The following SGK2 variants were observed in gnomAD, a reference collection of about 807,000 sequenced individuals.
SGK2 encodes serine/threonine-protein kinase Sgk2.
Under a neutral mutation model 47.5 loss-of-function variants are expected in SGK2, and 36 were observed. The ratio of observed to expected loss-of-function variants is 0.76; its 90% CI spans 0.58 to 1.00. SGK2 has a LOEUF of 1.00. SGK2 is among the 50% of genes least tolerant of loss of function. The pLI is 0.00. For missense variants in SGK2, 404 were observed against 467.4 expected (o/e 0.86, Z 1.25); for synonymous variants, 157 against 181.9 (o/e 0.86, Z 1.10).
intron 12 of SGK2, among the ~76,000 whole-genome samples, chr20:43,580,884 T>A (rs1387478852): frequency 6.6e-6 from 1 of 152,082 alleles, no homozygotes; most frequent in African/African-American, 2.4e-5. Flanking sequence ...TTTGTTTTGT[T>A]TTTTTTCTTG....
rs1980036685 is a variant in SGK2, at chr20:43,570,617, CTCT to C, written c.367_369del (p.Phe123del). The C allele has an allele frequency of 1.2e-6, 2 of 1,600,916 alleles. No individual in the cohort carries two copies. The highest frequency in any genetic ancestry group is 1.7e-5 in the Admixed American group (1 of 59,232). On this transcript the variant is annotated inframe_deletion and splice_region_variant, in exon 7 of 13. Transcript: ENST00000373100. ...CTGTCACACTCCTCCTCCCCTCCAG[CTCT>C]TCTTCCACCTGCAGCGGGAGCGCCG...
chr20:43,567,657 T>TC lies in SGK2; in HGVS notation c.87-3dup. 1 of 1,613,846 alleles carries TC rather than the reference T, an allele frequency of 6.2e-7. No homozygotes were observed. The highest frequency in any genetic ancestry group is 1.7e-5 in the Admixed American group (1 of 59,988). On this transcript the variant is annotated splice_region_variant and splice_polypyrimidine_tract_variant and intron_variant, in intron 3 of 12. Coordinates refer to ENST00000373100, the MANE Select transcript of SGK2 (RefSeq NM_170693.3). ...AATGCTGATCCGTGTTTTTCCCTCT[T>TC]CCCCCAGTGCCCAGCCCACGGACTT...
At chr20:43,562,140 G>A (rs562521058) in intron 1 of SGK2, among the ~76,000 whole-genome samples, 11 of 152,176 alleles carry the variant, frequency 7.2e-5, no homozygotes, top group East Asian at 3.9e-4. Context: ...CCAGCCAGGC[G>A]CAGTGGGTCA....
intron 11 of SGK2, among the ~76,000 whole-genome samples, chr20:43,576,881 G>A (rs1980491965): frequency 6.6e-6 from 1 of 152,244 alleles, no homozygotes; most frequent in Non-Finnish European, 1.5e-5. Context: ...GGCGGAGGTT[G>A]CAGTGATCTG....
rs767098729 is a variant in SGK2 at position 43,571,065 on chromosome 20, GT to G, written c.510+6del. ...AACATTCTCTTGGACTGCCAGGTTG[GT>G]GTGTGTGTGTGTGTGTGTGTGTGTG... is the stretch of plus-strand genomic sequence containing the variant. On this transcript the variant is annotated splice_donor_region_variant and intron_variant, in intron 8 of 12. Transcript: ENST00000373100. The G allele has an allele frequency of 2.5e-3, 104 of 40,914 alleles. No individual in the cohort carries two copies. The highest frequency in any genetic ancestry group is 6.4e-3 in the East Asian group (11 of 1,728). The allele number at this position is 40,914 out of a possible 1,614,324, so 2.5% of individuals were successfully genotyped here. A position where few individuals can be genotyped will look rare whatever the true frequency, so the allele number is the denominator to read the frequency against.
At position 43,569,583 on chromosome 20, in the gene SGK2, C is replaced by T. The variant is rs1397417432; in HGVS notation, c.360+67C>T. 3.9e-6 allele frequency: 6 copies of T among 1,548,376 alleles called. No homozygotes were observed. In the East Asian group the frequency reaches 6.8e-5, roughly 17 times the overall value. Reference sequence around the variant, plus strand: ...GCTGGGAGCTGTCCATCCCACATGCCCACTGCATGCCAAGTTCTGGAATGA... The same window carrying T: ...GCTGGGAGCTGTCCATCCCACATGCTCACTGCATGCCAAGTTCTGGAATGA... On this transcript the variant is annotated intron_variant, in intron 6 of 12. Coordinates refer to ENST00000373100, the MANE Select transcript of SGK2 (RefSeq NM_170693.3).
intron 1 of SGK2, 106 bp from the exon 2 acceptor site, chr20:43,566,367 A>G: frequency 1.2e-6 from 2 of 1,613,982 alleles, no homozygotes; most frequent in Non-Finnish European, 1.7e-6. Context: ...TGGCAGGTGC[A>G]CAGGTAGGGG....
rs1979977968 is a variant in SGK2, at chr20:43,569,673, A to AGG, written c.360+157_360+158insGG. On this transcript the variant is annotated intron_variant, in intron 6 of 12. Coordinates refer to ENST00000373100, the MANE Select transcript of SGK2 (RefSeq NM_170693.3). ...GAAACTGAGGTTCAGGGAGGTAATC[A>AGG]TTTGCTCAAGGCCACCCAGCGCATA... 3.5e-6 allele frequency: 3 copies of AGG among 854,668 alleles called. No individual in the cohort carries two copies. In the Admixed American group the frequency reaches 8.0e-5, roughly 23 times the overall value. The allele number at this position is 854,668 out of a possible 1,614,324, so 52.9% of individuals were successfully genotyped here.
At chr20:43,576,950 A>C (rs984126545) in intron 11 of SGK2, among the ~76,000 whole-genome samples, 5 of 152,242 alleles carry the variant, frequency 3.3e-5, no homozygotes, top group Non-Finnish European at 5.9e-5. Flanking sequence ...CTCAAAAACA[A>C]AAACAAAAAA....
At chr20:43,559,184 A>G (rs1979249892) in intron 1 of SGK2, 25 bp downstream of exon 1, 1 of 152,240 alleles carries the variant, frequency 6.6e-6, no homozygotes. Context: ...TGTGAGCAGG[A>G]TACCTGCCTG....
At chr20:43,577,345 T>C (rs1980520359) in intron 11 of SGK2, among the ~76,000 whole-genome samples, 1 of 149,098 alleles carries the variant, frequency 6.7e-6, no homozygotes, top group Non-Finnish European at 1.5e-5. Context: ...GCACTGCATC[T>C]GCTTTTTTTT....
At chr20:43,577,793 G>A (rs577242926) in intron 11 of SGK2, among the ~76,000 whole-genome samples, 11 of 151,890 alleles carry the variant, frequency 7.2e-5, no homozygotes, top group Non-Finnish European at 1.3e-4. Context: ...ACAGGCACCC[G>A]CCACCATGCC....
chr20:43,579,858 A>C (rs1980683224), intron 11 of SGK2, 114 bp from the exon 12 acceptor site: 1 of 755,752 alleles, frequency 1.3e-6, no homozygotes, highest in Non-Finnish European at 2.4e-6. Context: ...CTGCAAGTTA[A>C]TTTCCAGTTG....
intron 12 of SGK2, among the ~76,000 whole-genome samples, 176 bp from the exon 13 acceptor site, chr20:43,584,675 CA>C (rs1227556985): frequency 2.0e-5 from 3 of 152,056 alleles, no homozygotes; most frequent in African/African-American, 4.8e-5. Context: ...GGCAGAATAC[CA>C]GGGGGTGAGA....
rs931161909 is a variant in SGK2 at position 43,572,572 on chromosome 20, G to A, written c.597+435G>A. On this transcript the variant is annotated intron_variant, in intron 9 of 12. Transcript: ENST00000373100. The surrounding 1 kb of genome is among the most constrained non-coding windows in gnomAD (Gnocchi z 4.2). The stretch of plus-strand genomic sequence containing the variant: ...GGCACCTATAGTCCCAGCTACTCGG[G>A]AGGCTGAGGCAGGAGAATCGCTTGA... Among the ~76,000 whole-genome samples, 1 of 152,136 alleles carries A rather than the reference G, an allele frequency of 6.6e-6. No homozygotes were observed. The highest frequency in any genetic ancestry group is 1.5e-5 in the Non-Finnish European group (1 of 68,034).
At chr20:43,571,809 G>A (rs1013563839) in intron 8 of SGK2, among the ~76,000 whole-genome samples, 4 of 152,148 alleles carry the variant, frequency 2.6e-5, no homozygotes, top group Non-Finnish European at 4.4e-5. Context: ...TGCCACTGTC[G>A]TAGGGGTGGG....
In SGK2 at chr20:43,576,381, T is replaced by C; in HGVS notation, c.849+2T>C. 1.2e-6 allele frequency: 2 copies of C among 1,613,718 alleles called. No homozygotes were observed. The highest frequency in any genetic ancestry group is 8.5e-7 in the Non-Finnish European group (1 of 1,179,784). ...CGGCTGGGCTCCAAAGCAGACTTTG[T>C]AGGTGACCTACCAGTGGAGCACTGG... On this transcript the variant is annotated splice_donor_variant, in intron 11 of 12. Transcript: ENST00000373100. LOFTEE classifies it high-confidence loss of function.
At chr20:43,560,646 C>A (rs1979327244) in intron 1 of SGK2, among the ~76,000 whole-genome samples, 1 of 152,136 alleles carries the variant, frequency 6.6e-6, no homozygotes, top group Non-Finnish European at 1.5e-5. Flanking sequence ...AATTGGTACC[C>A]CTACAACACC....
At chr20:43,563,135 C>CAAAAAAAAAAAAA (rs796539305) in intron 1 of SGK2, among the ~76,000 whole-genome samples, 88 of 70,572 alleles carry the variant, frequency 1.2e-3, no homozygotes, top group African/African-American at 3.5e-3. Context: ...GACTCTGTCT[C>CAAAAAAAAAAAAA]AAAAAAAAAA....
Sources: allele counts gnomAD v4.1 joint callset (sites outside exome capture counted in the v4.1 genomes callset), GRCh38; gene constraint gnomAD v4.1.1; non-coding constraint Gnocchi (gnomAD v3.1); transcripts MANE v1.5; gene names NCBI Gene and HGNC (gene_info 2026-07-23, HGNC 2026-07-21).